The following PACS1 variants were observed in gnomAD, a reference collection of about 807,000 sequenced individuals.
PACS1 encodes the protein phosphofurin acidic cluster sorting protein 1.
A neutral mutation model predicts 115.0 loss-of-function variants in PACS1; 24 were observed. The observed-to-expected ratio is 0.21, with a 90% confidence interval of 0.15 to 0.29. The LOEUF (loss-of-function observed/expected upper bound fraction) is 0.29. Ranked by LOEUF, PACS1 falls within the 10% of genes least tolerant of loss-of-function variation. PACS1 has a pLI of 1.00. For missense variants in PACS1, 838 were observed against 1,251.2 expected (o/e 0.67, Z 4.98); for synonymous variants, 453 against 504.5 (o/e 0.90, Z 1.37).
At chr11:66,144,359 T>G (rs575287105) in intron 1 of PACS1, among the ~76,000 whole-genome samples, 3 of 152,218 alleles carry the variant, frequency 2.0e-5, no homozygotes, top group African/African-American at 7.2e-5. Flanking sequence ...GTAAACAAAG[T>G]TTTTTAGAGA....
chr11:66,195,373 T>C lies in PACS1; in HGVS notation c.444+1800T>C, dbSNP rs757504331. Among the ~76,000 whole-genome samples, 3 of 152,152 alleles carry C rather than the reference T, an allele frequency of 2.0e-5. No individual in the cohort carries two copies. In the East Asian group the frequency reaches 5.8e-4, roughly 29 times the overall value. ...TGGGAAAGCAAGTGTGGGACAGCAA[T>C]GTGAACTATTAGTGTCTTGTCCTCC... On this transcript the variant is annotated intron_variant, in intron 2 of 23. Transcript: ENST00000320580.
rs931249908 is a variant in PACS1 at position 66,126,585 on chromosome 11, G to A, written c.356+55743G>A. ...TGTAACACTGAAATCCTTTGTGGTTGTCTGCTGCAAAAGTGAATCTTTGAC... is the reference window on the plus strand; with the variant it reads ...TGTAACACTGAAATCCTTTGTGGTTATCTGCTGCAAAAGTGAATCTTTGAC... On this transcript the variant is annotated intron_variant, in intron 1 of 23. Transcript: ENST00000320580. 2.6e-5 allele frequency among the ~76,000 whole-genome samples: 4 copies of A among 151,254 alleles called. No individual in the cohort carries two copies. In the Admixed American group the frequency reaches 2.6e-4, roughly 10 times the overall value.
chr11:66,156,659 C>T (rs1859368973), intron 1 of PACS1, among the ~76,000 whole-genome samples: 1 of 151,968 alleles, frequency 6.6e-6, no homozygotes. Flanking sequence ...TCGAGACCAT[C>T]CTGGCTAACA....
chr11:66,237,074 A>G (rs1250887307), intron 19 of PACS1, among the ~76,000 whole-genome samples: 6 of 152,174 alleles, frequency 3.9e-5, no homozygotes, highest in Non-Finnish European at 8.8e-5. Flanking sequence ...ACGTGCCACC[A>G]CACCCAGCTA....
At chr11:66,171,631 G>C (rs1056141071) in intron 1 of PACS1, among the ~76,000 whole-genome samples, 5 of 149,622 alleles carry the variant, frequency 3.3e-5, no homozygotes, top group Admixed American at 2.0e-4. Context: ...CCAGGCTGGA[G>C]TGCAGTGGCG....
chr11:66,170,813 T>C (rs960536562), intron 1 of PACS1, among the ~76,000 whole-genome samples: 2 of 145,754 alleles, frequency 1.4e-5, no homozygotes, highest in Non-Finnish European at 3.0e-5. Context: ...TGTGGTGGCA[T>C]GCACGTTAGT....
In PACS1 at chr11:66,169,384, C is replaced by G. The variant is rs1565132212; in HGVS notation, c.357-24102C>G. Among the ~76,000 whole-genome samples the G allele has an allele frequency of 4.1e-5, 6 of 147,908 alleles. No individual in the cohort carries two copies. In the South Asian group the frequency reaches 1.3e-3, roughly 31 times the overall value. On this transcript the variant is annotated intron_variant, in intron 1 of 23. Transcript: ENST00000320580. ...GCATCTTTACATTCCTGAAATAAAT[C>G]TAAATCTAACTGGTTCATTACTTTT...
intron 1 of PACS1, among the ~76,000 whole-genome samples, chr11:66,094,559 T>G (rs1285485821): frequency 6.6e-6 from 1 of 152,132 alleles, no homozygotes; most frequent in Non-Finnish European, 1.5e-5. Context: ...AATCAATAGC[T>G]TACCAACCAA....
chr11:66,201,685 GT>G (rs1168125270), intron 2 of PACS1, among the ~76,000 whole-genome samples: 1 of 148,018 alleles, frequency 6.8e-6, no homozygotes, highest in African/African-American at 2.5e-5. Flanking sequence ...CTGAGACGGA[GT>G]TTTACTCTTG....
In PACS1 at chr11:66,243,636, T is replaced by C. The variant is rs1855862768; in HGVS notation, c.*356T>C. 1 of 214,134 alleles carries C rather than the reference T, an allele frequency of 4.7e-6. No individual in the cohort carries two copies. Among genetic ancestry groups the C allele is most frequent in the South Asian group, 9.3e-5 (1 of 10,706 alleles). The allele number at this position is 214,134 out of a possible 1,614,324, so 13.3% of individuals were successfully genotyped here. ...GTGGTATCAGTTTCCTTCTCGGAAA[T>C]GAGAAAGCTGGAATCCTGGTCCCCA... is the stretch of plus-strand genomic sequence containing the variant. On this transcript the variant is annotated 3_prime_UTR_variant, in exon 24 of 24. Coordinates refer to ENST00000320580, the MANE Select transcript of PACS1 (RefSeq NM_018026.4).
intron 1 of PACS1, among the ~76,000 whole-genome samples, chr11:66,131,946 C>G (rs1858714768): frequency 6.6e-6 from 1 of 151,604 alleles, no homozygotes; most frequent in Non-Finnish European, 1.5e-5. Context: ...CTTATTTTAT[C>G]CCTTCCTCAT....
chr11:66,174,233 CACTT>C (rs1483047260), intron 1 of PACS1, among the ~76,000 whole-genome samples: 2 of 152,078 alleles, frequency 1.3e-5, no homozygotes, highest in Non-Finnish European at 2.9e-5. Flanking sequence ...AATAAGATAA[CACTT>C]ACTGAATGAC....
chr11:66,152,325 A>C (rs1859259123), intron 1 of PACS1, among the ~76,000 whole-genome samples: 1 of 152,238 alleles, frequency 6.6e-6, no homozygotes, highest in African/African-American at 2.4e-5. Flanking sequence ...AAATTATCCC[A>C]TCCAATGAAG....
At chr11:66,120,081 T>G (rs1263950537) in intron 1 of PACS1, among the ~76,000 whole-genome samples, 1 of 152,148 alleles carries the variant, frequency 6.6e-6, no homozygotes, top group Non-Finnish European at 1.5e-5. Context: ...TGAGATCATA[T>G]TCTTAAAACT....
intron 1 of PACS1, among the ~76,000 whole-genome samples, chr11:66,076,130 A>G (rs1857392986): frequency 6.6e-6 from 1 of 152,260 alleles, no homozygotes; most frequent in South Asian, 2.1e-4. Context: ...TCAGGGTAAT[A>G]GTATCCATCG....
chr11:66,185,401 T>TA (rs1344607879), intron 1 of PACS1, among the ~76,000 whole-genome samples: 2 of 152,184 alleles, frequency 1.3e-5, no homozygotes, highest in Non-Finnish European at 2.9e-5. Context: ...CTCAACTTCT[T>TA]AGAGTTCCAG....
intron 13 of PACS1, among the ~76,000 whole-genome samples, chr11:66,231,468 TC>T (rs1175986077): frequency 6.6e-6 from 1 of 152,222 alleles, no homozygotes; most frequent in African/African-American, 2.4e-5. Flanking sequence ...AATCGTGTTC[TC>T]CTTTTGAAGG....
At chr11:66,206,386 T>A (rs1854939439) in intron 2 of PACS1, among the ~76,000 whole-genome samples, 1 of 152,042 alleles carries the variant, frequency 6.6e-6, no homozygotes, top group South Asian at 2.1e-4. Context: ...CTGGAACCCA[T>A]GAAAGCTAAA....
rs1240117576 is a variant in PACS1, at chr11:66,233,985, T to C, written c.1993+46T>C. ...GAGGGCGTCGGGCATGAGGGTTCCATAGACAGATGCCTCATCTGGAACAGG... is the reference window on the plus strand; with the variant it reads ...GAGGGCGTCGGGCATGAGGGTTCCACAGACAGATGCCTCATCTGGAACAGG... On this transcript the variant is annotated intron_variant, in intron 16 of 23. Transcript: ENST00000320580. The surrounding 1 kb of genome is among the most constrained non-coding windows in gnomAD (Gnocchi z 4.5). 2 of 1,571,318 alleles carry C rather than the reference T, an allele frequency of 1.3e-6. No homozygotes were observed.
Sources: gnomAD v4.1 joint callset for allele counts (sites outside exome capture counted in the v4.1 genomes callset) on GRCh38, gnomAD v4.1.1 for gene constraint, Gnocchi (gnomAD v3.1) non-coding constraint, MANE v1.5 for transcripts, NCBI Gene and HGNC (gene_info 2026-07-23, HGNC 2026-07-21) for gene names.